Variants in SENP7 observed in about 807,000 individuals in gnomAD.
The protein encoded by SENP7 is SUMO specific peptidase 7.
SENP7 carries 64 observed loss-of-function variants against 141.2 expected under a neutral mutation model. The ratio of observed to expected loss-of-function variants is 0.45; its 90% CI spans 0.37 to 0.56. The LOEUF (loss-of-function observed/expected upper bound fraction) is 0.56, where lower values mean the gene tolerates loss of function less well. Among genes scored for constraint, SENP7 ranks in the 20% least tolerant of loss-of-function variants. SENP7 has a pLI of 0.00. For missense variants in SENP7, 1,025 were observed against 1,212.2 expected, an observed-to-expected ratio of 0.85 and a Z score of 2.29; for synonymous variants, 382 against 426.4, an observed-to-expected ratio of 0.90 and a Z score of 1.28.
chr3:101,438,555 TAA>T (rs1283174905), intron 4 of SENP7, among the ~76,000 whole-genome samples: 1 of 152,204 alleles, frequency 6.6e-6, no homozygotes, highest in East Asian at 1.9e-4. Context: ...TAAAAATGAT[TAA>T]GATGATAAAA....
Position 101,449,190 on chromosome 3 carries a change from G to C in SENP7, c.284+9765C>G, listed in dbSNP as rs947629235. 2.0e-5 allele frequency among the ~76,000 whole-genome samples: 3 copies of C among 152,232 alleles called. No individual in the cohort carries two copies. The South Asian group carries it at 6.2e-4, about 32-fold the overall frequency. ...TAGAGAAAAAAGAATAAGAAGAAAC[G>C]AATAAAGCCTCCAAGAAATATGGGA... is the stretch of plus-strand genomic sequence containing the variant. On this transcript the variant is annotated intron_variant, in intron 4 of 23. Coordinates refer to ENST00000394095, the MANE Select transcript of SENP7 (RefSeq NM_020654.5).
chr3:101,449,345 C>G (rs2063027005), intron 4 of SENP7, among the ~76,000 whole-genome samples: 1 of 152,124 alleles, frequency 6.6e-6, no homozygotes, highest in African/African-American at 2.4e-5. Context: ...GGCAGGCCAA[C>G]ATTCAAATTC....
Position 101,324,653 on chromosome 3 carries a change from T to A in SENP7, c.*1290A>T, listed in dbSNP as rs965546890. 1.3e-5 allele frequency: 2 copies of A among 152,048 alleles called. No individual in the cohort carries two copies. Among genetic ancestry groups the A allele is most frequent in the Non-Finnish European group, 2.9e-5 (2 of 67,952 alleles). The allele number at this position is 152,048 out of a possible 1,614,324, so 9.4% of individuals were successfully genotyped here. ...TAACTGACCCCGATTCGTATGATTT[T>A]GAAATAAAATGTTCAGACTTTCTAG... On this transcript the variant is annotated 3_prime_UTR_variant, in exon 24 of 24. Coordinates refer to ENST00000394095, the MANE Select transcript of SENP7 (RefSeq NM_020654.5).
intron 1 of SENP7, among the ~76,000 whole-genome samples, chr3:101,502,466 C>T (rs2065424277): frequency 6.6e-6 from 1 of 152,162 alleles, no homozygotes; most frequent in South Asian, 2.1e-4. Context: ...CCATGCCAGG[C>T]TAATTTTGTA....
At chr3:101,373,496 TG>T (rs1488803968) in intron 6 of SENP7, among the ~76,000 whole-genome samples, 1 of 152,168 alleles carries the variant, frequency 6.6e-6, no homozygotes, top group Non-Finnish European at 1.5e-5. Context: ...TAGGTACTTA[TG>T]TTTCCCCTGA....
chr3:101,399,818 G>C (rs2107582936), intron 5 of SENP7, among the ~76,000 whole-genome samples: 1 of 152,232 alleles, frequency 6.6e-6, no homozygotes, highest in South Asian at 2.1e-4. Flanking sequence ...TAGTGACTAT[G>C]TCTCATTATG....
chr3:101,370,330 T>G lies in SENP7; in HGVS notation c.796+1678A>C, dbSNP rs143064477. ...CTGGGTAGAGTAGGAATCTTTGTCT[T>G]GATAGTACCTGAACTGAGCCCACTT... On this transcript the variant is annotated intron_variant, in intron 7 of 23. Coordinates refer to ENST00000394095, the MANE Select transcript of SENP7 (RefSeq NM_020654.5). Among the ~76,000 whole-genome samples, 174 of 152,202 alleles carry G rather than the reference T, an allele frequency of 1.1e-3. No individual in the cohort carries two copies. The Middle Eastern group carries it at 0.02, about 18-fold the overall frequency.
intron 4 of SENP7, among the ~76,000 whole-genome samples, chr3:101,439,030 C>G (rs2062514076): frequency 7.5e-6 from 1 of 134,218 alleles, no homozygotes; most frequent in Non-Finnish European, 1.6e-5. Flanking sequence ...GCCTGGCTGC[C>G]CAGTCTGGAA....
intron 3 of SENP7, among the ~76,000 whole-genome samples, chr3:101,465,085 G>C (rs1317594765): frequency 3.3e-5 from 5 of 151,752 alleles, no homozygotes; most frequent in African/African-American, 1.2e-4. Context: ...ACATCATCAG[G>C]GTTCCTAGGG....
chr3:101,486,064 CAAAAG>C (rs2064714723), intron 3 of SENP7, among the ~76,000 whole-genome samples: 1 of 151,958 alleles, frequency 6.6e-6, no homozygotes, highest in Non-Finnish European at 1.5e-5. Context: ...CCAACAAAGA[CAAAAG>C]AACAAGAAAA....
At position 101,445,464 on chromosome 3, in the gene SENP7, A is replaced by G. The variant is rs375043657; in HGVS notation, c.284+13491T>C. Among the ~76,000 whole-genome samples the G allele has an allele frequency of 2.0e-5, 3 of 152,212 alleles. No individual in the cohort carries two copies. In the East Asian group the frequency reaches 5.8e-4, roughly 29 times the overall value. ...TATCACTATAGAAAGCCACCAAGAC[A>G]TAAGAGTAAACAATAAAGAGAAAGA... On this transcript the variant is annotated intron_variant, in intron 4 of 23. Coordinates refer to ENST00000394095, the MANE Select transcript of SENP7 (RefSeq NM_020654.5).
At chr3:101,453,632 C>T (rs1400086573) in intron 4 of SENP7, among the ~76,000 whole-genome samples, 5 of 152,026 alleles carry the variant, frequency 3.3e-5, no homozygotes, top group South Asian at 2.1e-4. Flanking sequence ...AACTAAACAC[C>T]GCATGTTCTC....
intron 20 of SENP7, 60 bp downstream of exon 20, chr3:101,330,274 A>G: frequency 1.6e-6 from 2 of 1,259,788 alleles, no homozygotes; most frequent in African/African-American, 1.5e-5. Context: ...TCTATTTTAC[A>G]GATAACATTA....
chr3:101,457,531 T>C, intron 4 of SENP7: 2 of 1,608,324 alleles, frequency 1.2e-6, no homozygotes, highest in Non-Finnish European at 1.7e-6. Flanking sequence ...GTTCCTTGGT[T>C]TGTAAACATA....
intron 14 of SENP7, among the ~76,000 whole-genome samples, chr3:101,342,309 A>C (rs1161421324): frequency 1.3e-5 from 2 of 152,220 alleles, no homozygotes; most frequent in African/African-American, 4.8e-5. Context: ...ACAGGTGTAT[A>C]TATGAGTATG....
At chr3:101,435,750 T>C (rs1188479185) in intron 4 of SENP7, among the ~76,000 whole-genome samples, 1 of 151,898 alleles carries the variant, frequency 6.6e-6, no homozygotes, top group Non-Finnish European at 1.5e-5. Context: ...ATAAAAACTA[T>C]AAAACAATTA....
At chr3:101,377,502 C>T (rs1394952430) in intron 6 of SENP7, among the ~76,000 whole-genome samples, 1 of 152,156 alleles carries the variant, frequency 6.6e-6, no homozygotes, top group Non-Finnish European at 1.5e-5. Flanking sequence ...GGGTCGCACA[C>T]TTTTGTGAGT....
At chr3:101,479,464 G>A (rs899374088) in intron 3 of SENP7, among the ~76,000 whole-genome samples, 1 of 152,032 alleles carries the variant, frequency 6.6e-6, no homozygotes, top group Non-Finnish European at 1.5e-5. Flanking sequence ...AAATTAGCCA[G>A]GCATGATGGC....
intron 3 of SENP7, among the ~76,000 whole-genome samples, chr3:101,461,371 A>T (rs2063539774): frequency 6.6e-6 from 1 of 152,208 alleles, no homozygotes; most frequent in Non-Finnish European, 1.5e-5. Context: ...CAGAAGAAGG[A>T]AAAATACCCC....
Sources: gnomAD v4.1 joint callset for allele counts (sites outside exome capture counted in the v4.1 genomes callset) on GRCh38, gnomAD v4.1.1 for gene constraint, MANE v1.5 for transcripts, NCBI Gene and HGNC (gene_info 2026-07-23, HGNC 2026-07-21) for gene names.